The following NOVA1 variants were observed in gnomAD, a reference collection of about 807,000 sequenced individuals.
NOVA1 encodes the protein RNA-binding protein Nova-1.
Under a neutral mutation model 38.0 loss-of-function variants are expected in NOVA1, and 7 were observed. That is an observed-to-expected ratio of 0.18 (90% CI 0.10 to 0.35). NOVA1 has a LOEUF of 0.35. NOVA1 is among the 10% of genes least tolerant of loss of function. The pLI is 1.00. For synonymous variants in NOVA1, 270 were observed against 232.5 expected, an observed-to-expected ratio of 1.16 and a Z score of -1.47; for missense variants, 460 against 616.0, an observed-to-expected ratio of 0.75 and a Z score of 2.68.
At chr14:26,520,501 G>A (rs891162570) in intron 2 of NOVA1, among the ~76,000 whole-genome samples, 2 of 152,094 alleles carry the variant, frequency 1.3e-5, no homozygotes, top group African/African-American at 4.8e-5. Context: ...TTTAAGCAAC[G>A]AAGTCAACAA....
At position 26,460,539 on chromosome 14, in the gene NOVA1, T is replaced by C. The variant is rs191544781; in HGVS notation, c.520-11576A>G. Among the ~76,000 whole-genome samples, 76 of 152,042 alleles carry C rather than the reference T, an allele frequency of 5.0e-4. 2 individuals carry two copies. The South Asian group carries it at 8.9e-3, about 18-fold the overall frequency. ...TTTCAAAAATATTTTTAAAGAGTAATTGAATAAGAAATATGAGCTAAACCA... is the reference window on the plus strand; with the variant it reads ...TTTCAAAAATATTTTTAAAGAGTAACTGAATAAGAAATATGAGCTAAACCA... On this transcript the variant is annotated intron_variant, in intron 4 of 4. Coordinates refer to ENST00000539517, the MANE Select transcript of NOVA1 (RefSeq NM_002515.3).
chr14:26,550,530 A>G (rs1273763895), intron 2 of NOVA1, among the ~76,000 whole-genome samples: 1 of 152,104 alleles, frequency 6.6e-6, no homozygotes, highest in Non-Finnish European at 1.5e-5. Flanking sequence ...TTATTACCAC[A>G]TTCTGCTTTT....
At chr14:26,527,216 G>T (rs2138531790) in intron 2 of NOVA1, among the ~76,000 whole-genome samples, 1 of 107,396 alleles carries the variant, frequency 9.3e-6, no homozygotes, top group East Asian at 3.6e-4. Context: ...GGAGTCAATG[G>T]GCTAGCTGTG....
chr14:26,523,226 T>C (rs1889032369), intron 2 of NOVA1, among the ~76,000 whole-genome samples: 1 of 152,236 alleles, frequency 6.6e-6, no homozygotes, highest in African/African-American at 2.4e-5. Context: ...GTGAATAAGA[T>C]GTTTTATTTA....
rs535349483 is a variant in NOVA1 at position 26,444,445 on chromosome 14, C to T, written c.*3514G>A. On this transcript the variant is annotated 3_prime_UTR_variant, in exon 5 of 5. Coordinates refer to ENST00000539517, the MANE Select transcript of NOVA1 (RefSeq NM_002515.3). ...AATGCGATGGAATAATCTATCTCTA[C>T]TGTGCAGGTAGGCTTGTGCATGGTG... 6.6e-6 allele frequency: 1 copy of T among 152,216 alleles called. No individual in the cohort carries two copies. The highest frequency in any genetic ancestry group is 1.9e-4 in the East Asian group (1 of 5,184). The allele number at this position is 152,216 out of a possible 1,614,324, so 9.4% of individuals were successfully genotyped here.
chr14:26,495,228 C>G (rs1161709215), intron 2 of NOVA1, among the ~76,000 whole-genome samples: 2 of 152,102 alleles, frequency 1.3e-5, no homozygotes, highest in Non-Finnish European at 2.9e-5. Context: ...ACTTTCTTAA[C>G]AGCCATAAAC....
intron 2 of NOVA1, among the ~76,000 whole-genome samples, chr14:26,496,611 C>G (rs1048447759): frequency 6.6e-6 from 1 of 152,070 alleles, no homozygotes; most frequent in Non-Finnish European, 1.5e-5. Flanking sequence ...TTCTTCCAGG[C>G]TGTTTATGGT....
chr14:26,490,888 C>G (rs1190709572), intron 2 of NOVA1, among the ~76,000 whole-genome samples: 1 of 126,024 alleles, frequency 7.9e-6, no homozygotes, highest in African/African-American at 3.0e-5. Context: ...CTCGCTCTGT[C>G]GCCCAGGCTG....
chr14:26,521,981 C>T (rs1888932336), intron 2 of NOVA1, among the ~76,000 whole-genome samples: 1 of 151,922 alleles, frequency 6.6e-6, no homozygotes, highest in Non-Finnish European at 1.5e-5. Flanking sequence ...ATCATTAAAT[C>T]TATTGCAATT....
At chr14:26,577,608 A>G (rs190679287) in intron 2 of NOVA1, among the ~76,000 whole-genome samples, 153 of 152,200 alleles carry the variant, frequency 1.0e-3, no homozygotes, top group Non-Finnish European at 1.2e-3. Flanking sequence ...CTTTAAGGCA[A>G]GTATCTTAAA....
chr14:26,580,492 T>C (rs1045811724), intron 2 of NOVA1, among the ~76,000 whole-genome samples: 1 of 152,054 alleles, frequency 6.6e-6, no homozygotes, highest in Non-Finnish European at 1.5e-5. Flanking sequence ...TAAAAAAAGC[T>C]CTGCATATCT....
intron 3 of NOVA1, among the ~76,000 whole-genome samples, chr14:26,475,840 T>C (rs1412603626): frequency 6.6e-6 from 1 of 152,142 alleles, no homozygotes. Flanking sequence ...TGTTAACAAA[T>C]GACAGTTTTG....
intron 2 of NOVA1, among the ~76,000 whole-genome samples, chr14:26,564,678 G>T (rs1465479575): frequency 2.0e-5 from 3 of 152,136 alleles, no homozygotes; most frequent in Admixed American, 6.6e-5. Context: ...CACAGAGTTT[G>T]CAAGAGACAA....
In NOVA1 at chr14:26,445,918, A is replaced by G. The variant is rs1407866170; in HGVS notation, c.*2041T>C. On this transcript the variant is annotated 3_prime_UTR_variant, in exon 5 of 5. Coordinates refer to ENST00000539517, the MANE Select transcript of NOVA1 (RefSeq NM_002515.3). ...TGATGAACTAAGCACATTTATAATGATAAAATGAGTAAATATAATAGCGGC... is the reference window on the plus strand; with the variant it reads ...TGATGAACTAAGCACATTTATAATGGTAAAATGAGTAAATATAATAGCGGC... The G allele has an allele frequency of 1.3e-5, 2 of 152,630 alleles. No homozygotes were observed. Among genetic ancestry groups the G allele is most frequent in the Admixed American group, 6.5e-5 (1 of 15,268 alleles). 9.5% of individuals were successfully genotyped at this position (152,630 alleles called of 1,614,324 possible).
At chr14:26,572,740 G>GTGTGTGTA (rs1892562586) in intron 2 of NOVA1, among the ~76,000 whole-genome samples, 1 of 151,046 alleles carries the variant, frequency 6.6e-6, no homozygotes. Context: ...GTGTGTGTGT[G>GTGTGTGTA]TGTGTGTGTG....
At chr14:26,485,713 T>C (rs1177663815) in intron 2 of NOVA1, among the ~76,000 whole-genome samples, 1 of 152,160 alleles carries the variant, frequency 6.6e-6, no homozygotes, top group Non-Finnish European at 1.5e-5. Context: ...TTAGTGAACA[T>C]TCTGTTCATA....
chr14:26,487,576 CAG>C (rs1037947707), intron 2 of NOVA1, among the ~76,000 whole-genome samples: 4 of 152,176 alleles, frequency 2.6e-5, no homozygotes, highest in South Asian at 2.1e-4. Context: ...ATAGCAAACA[CAG>C]AGAACAGTAA....
intron 4 of NOVA1, among the ~76,000 whole-genome samples, chr14:26,449,564 T>C (rs1882445911): frequency 6.6e-6 from 1 of 152,102 alleles, no homozygotes; most frequent in Non-Finnish European, 1.5e-5. Flanking sequence ...GCATTTTCAT[T>C]TAAACTCACA....
chr14:26,466,139 G>A (rs957267356), intron 4 of NOVA1, among the ~76,000 whole-genome samples: 2 of 152,144 alleles, frequency 1.3e-5, no homozygotes, highest in African/African-American at 4.8e-5. Context: ...AAATACTGAG[G>A]TGAGGGTATG....
Sources: allele counts gnomAD v4.1 joint callset (sites outside exome capture counted in the v4.1 genomes callset), GRCh38; gene constraint gnomAD v4.1.1; transcripts MANE v1.5; gene names NCBI Gene and HGNC (gene_info 2026-07-23, HGNC 2026-07-21).